COLEC10: variants seen among roughly 807,000 people sequenced by gnomAD.
The protein encoded by COLEC10 is collectin-10.
A neutral mutation model predicts 28.4 loss-of-function variants in COLEC10; 22 were observed. The ratio of observed to expected loss-of-function variants is 0.78; its 90% confidence interval spans 0.55 to 1.11. The LOEUF is 1.11. Ranked by LOEUF, COLEC10 falls within the 50% of genes least tolerant of loss-of-function variation. COLEC10 has a pLI of 0.00. For missense variants in COLEC10, 361 were observed against 344.1 expected (o/e 1.05, Z -0.39); for synonymous variants, 125 against 116.1 (o/e 1.08, Z -0.49).
At chr8:119,071,165 C>A (rs1162073475) in intron 1 of COLEC10, among the ~76,000 whole-genome samples, 4 of 152,160 alleles carry the variant, frequency 2.6e-5, no homozygotes, top group African/African-American at 9.7e-5. Flanking sequence ...ACCTCACAGC[C>A]CGGCATTGTC....
At chr8:118,983,885 G>A in the COLEC10 span, among the ~76,000 whole-genome samples, 6 of 152,122 alleles carry the variant, frequency 3.9e-5, no homozygotes, top group Non-Finnish European at 5.9e-5. Context: ...CACTGCTGGT[G>A]GGAATGTAAA....
intron 2 of COLEC10, among the ~76,000 whole-genome samples, chr8:119,043,940 TC>T (rs1285747211): frequency 6.6e-6 from 1 of 152,122 alleles, no homozygotes; most frequent in Non-Finnish European, 1.5e-5. Flanking sequence ...CTCTACTATA[TC>T]ATAGTGCCTT....
intron 2 of COLEC10, among the ~76,000 whole-genome samples, chr8:119,015,408 G>T (rs1813973769): frequency 6.6e-6 from 1 of 150,994 alleles, no homozygotes; most frequent in South Asian, 2.1e-4. Flanking sequence ...AACCTCCACA[G>T]ATTAGGCTTT....
At chr8:119,077,458 G>A (rs1318697876) in intron 1 of COLEC10, among the ~76,000 whole-genome samples, 1 of 151,930 alleles carries the variant, frequency 6.6e-6, no homozygotes, top group Non-Finnish European at 1.5e-5. Context: ...CTGCCCACAG[G>A]GCTTTATTAA....
At chr8:119,080,222 A>C (rs1815342275) in intron 1 of COLEC10, among the ~76,000 whole-genome samples, 1 of 152,094 alleles carries the variant, frequency 6.6e-6, no homozygotes. Flanking sequence ...ACTTCTGGGC[A>C]TAGATCATAT....
the COLEC10 span, among the ~76,000 whole-genome samples, chr8:118,967,026 TC>T: frequency 1.3e-5 from 2 of 152,234 alleles, no homozygotes; most frequent in Non-Finnish European, 2.9e-5. Flanking sequence ...CCTAGATTGC[TC>T]CAATTCCTTA....
At chr8:118,993,808 G>A (rs1813544959), upstream of COLEC10, among the ~76,000 whole-genome samples, 1 of 152,144 alleles carries the variant, frequency 6.6e-6, no homozygotes, top group Non-Finnish European at 1.5e-5. Context: ...CTGAGATACT[G>A]GGGGTTGGGA....
intron 2 of COLEC10, among the ~76,000 whole-genome samples, chr8:119,056,862 A>T (rs1814770906): frequency 6.6e-6 from 1 of 151,954 alleles, no homozygotes; most frequent in Admixed American, 6.6e-5. Context: ...CTAGTCCTTA[A>T]CTCTAGGTTA....
upstream of COLEC10, among the ~76,000 whole-genome samples, chr8:119,062,311 C>T (rs1814869997): frequency 6.6e-6 from 1 of 151,562 alleles, no homozygotes; most frequent in Non-Finnish European, 1.5e-5. Context: ...CTCAAAAATA[C>T]AAAGGAGATA....
upstream of COLEC10, among the ~76,000 whole-genome samples, chr8:119,064,378 T>C (rs1394965293): frequency 1.3e-5 from 2 of 152,232 alleles, no homozygotes; most frequent in Non-Finnish European, 2.9e-5. Context: ...TTAATTTCTA[T>C]ATATAAATGC....
chr8:118,989,566 C>CAT, the COLEC10 span, among the ~76,000 whole-genome samples: 4,291 of 145,710 alleles, frequency 0.029, 116 homozygotes, highest in East Asian at 0.15. Flanking sequence ...CACACACACA[C>CAT]ACACACACAC....
At chr8:118,984,769 A>C in the COLEC10 span, among the ~76,000 whole-genome samples, 2 of 152,234 alleles carry the variant, frequency 1.3e-5, no homozygotes. Context: ...AGACATACCC[A>C]AGACTGGGCA....
intron 2 of COLEC10, among the ~76,000 whole-genome samples, chr8:119,026,374 C>T (rs1044531310): frequency 6.6e-6 from 1 of 151,926 alleles, no homozygotes; most frequent in African/African-American, 2.4e-5. Context: ...GGCAACATAG[C>T]AAGACCTCAT....
intron 2 of COLEC10, among the ~76,000 whole-genome samples, chr8:119,051,509 A>C (rs949390413): frequency 3.3e-5 from 5 of 152,188 alleles, no homozygotes; most frequent in Non-Finnish European, 7.3e-5. Flanking sequence ...GGGGGACCAA[A>C]GTGTAAGTCT....
rs1032038518 is a variant in COLEC10 at position 119,010,346 on chromosome 8, A to AT, written n.235+799dup. Among the ~76,000 whole-genome samples the AT allele has an allele frequency of 2.7e-5, 4 of 150,906 alleles. 1 individual carries two copies. Among genetic ancestry groups the AT allele is most frequent in the Admixed American group, 1.3e-4 (2 of 15,186 alleles). ...ATGTCTTTTAATGTCTTGATAGCTA[A>AT]TTTTTTGGCACAAAATAATAGTTCA... On this transcript the variant is annotated intron_variant and non_coding_transcript_variant, in intron 2 of 6. Transcript: ENST00000521788.
chr8:118,972,227 C>T, the COLEC10 span, among the ~76,000 whole-genome samples: 1 of 151,976 alleles, frequency 6.6e-6, no homozygotes, highest in Non-Finnish European at 1.5e-5. Flanking sequence ...CGTGTAACTT[C>T]ATTTCCACCA....
chr8:118,966,621 A>G, the COLEC10 span, among the ~76,000 whole-genome samples: 1 of 152,054 alleles, frequency 6.6e-6, no homozygotes, highest in East Asian at 1.9e-4. Flanking sequence ...AACAATACAG[A>G]TGAATAAAAG....
chr8:119,070,394 C>T (rs534375311), intron 1 of COLEC10, among the ~76,000 whole-genome samples: 23 of 150,418 alleles, frequency 1.5e-4, no homozygotes, highest in Non-Finnish European at 2.2e-4. Flanking sequence ...TCTTTCTATG[C>T]CTTAAACTTA....
chr8:119,095,534 T>C (rs1297679754), intron 3 of COLEC10, among the ~76,000 whole-genome samples: 1 of 152,086 alleles, frequency 6.6e-6, no homozygotes, highest in African/African-American at 2.4e-5. Flanking sequence ...AAACCCCGTC[T>C]CTACTAAACA....
Sources: allele counts gnomAD v4.1 joint callset (sites outside exome capture counted in the v4.1 genomes callset), GRCh38; gene constraint gnomAD v4.1.1; transcripts MANE v1.5; gene names NCBI Gene and HGNC (gene_info 2026-07-23, HGNC 2026-07-21).